The following DNA2 variants were observed in gnomAD, a reference collection of about 807,000 sequenced individuals.
DNA2 encodes DNA replication ATP-dependent helicase/nuclease DNA2.
DNA2 carries 101 observed loss-of-function variants against 119.1 expected under a neutral mutation model. That is an observed-to-expected ratio of 0.85 (90% CI 0.72 to 1.00). DNA2 has a LOEUF of 1.00. DNA2 is among the 50% of genes least tolerant of loss of function. The pLI is 0.00. For missense variants in DNA2, 1,121 were observed against 1,255.5 expected, an observed-to-expected ratio of 0.89 and a Z score of 1.62; for synonymous variants, 366 against 424.4, an observed-to-expected ratio of 0.86 and a Z score of 1.69.
At chr10:68,446,866 G>T (rs1448047264) in intron 6 of DNA2, among the ~76,000 whole-genome samples, 1 of 152,044 alleles carries the variant, frequency 6.6e-6, no homozygotes, top group Non-Finnish European at 1.5e-5. Flanking sequence ...TGGTGCGGGG[G>T]GAGAAGTGGG....
chr10:68,425,085 TTTC>T (rs1467418572), intron 14 of DNA2: 290 of 246,628 alleles, frequency 1.2e-3, no homozygotes, highest in African/African-American at 5.5e-3. Flanking sequence ...CTCTGGAACA[TTTC>T]TTTTTTTTTT....
chr10:68,424,595 C>T, intron 14 of DNA2: 1 of 1,287,948 alleles, frequency 7.8e-7, no homozygotes. Flanking sequence ...TGGACCGCAG[C>T]AAAAACCGCA....
In DNA2 at chr10:68,431,926, G is replaced by A. The variant is rs1590054876; in HGVS notation, c.1919C>T (p.Ser640Leu). 1.2e-6 allele frequency: 2 copies of A among 1,613,752 alleles called. No individual in the cohort carries two copies. The highest frequency in any genetic ancestry group is 1.7e-6 in the Non-Finnish European group (2 of 1,179,798). ...QRQAMKKVLL[S>L]KDYTLIVGMP... is the part of the protein sequence containing the mutation. ...ACCCACGATGAGTGTGTAGTCTTTT[G>A]AAAGAAGTACCTTTTTCATCGCTTG... is the stretch of plus-strand genomic sequence containing the variant. The change falls in exon 13 of 21, where the codon TCA (serine) becomes TTA (leucine). Residue 640 changes from serine (S) to leucine (L), a missense_variant. Ser to Leu is a moderately radical substitution (Grantham distance 145, BLOSUM62 -2). Transcript: ENST00000358410.
chr10:68,464,438 C>T (rs2052300296), intron 4 of DNA2, among the ~76,000 whole-genome samples: 1 of 151,640 alleles, frequency 6.6e-6, no homozygotes, highest in African/African-American at 2.4e-5. Context: ...TTGCTTGAAC[C>T]CGGGAGGTAG....
chr10:68,436,845 T>A, intron 10 of DNA2, 166 bp downstream of exon 10: 1 of 577,840 alleles, frequency 1.7e-6, no homozygotes, highest in Non-Finnish European at 3.0e-6. Context: ...TCCTTGGGAG[T>A]TTCTTTTTGG....
intron 6 of DNA2, among the ~76,000 whole-genome samples, chr10:68,449,332 G>A (rs1327953531): frequency 6.6e-6 from 1 of 152,052 alleles, no homozygotes; most frequent in Non-Finnish European, 1.5e-5. Context: ...TATTATTAAA[G>A]TAAAAAGTTC....
chr10:68,417,953 T>C lies in DNA2; in HGVS notation c.2967+1081A>G, dbSNP rs961970890. The stretch of plus-strand genomic sequence containing the variant: ...TACTTATATGAGGTACTTAGATTAG[T>C]CAAATTCAGAGATAGAATGTAGAAT... On this transcript the variant is annotated intron_variant, in intron 19 of 20. Transcript: ENST00000358410. Among the ~76,000 whole-genome samples, 11 of 152,312 alleles carry C rather than the reference T, an allele frequency of 7.2e-5. No homozygotes were observed. In the East Asian group the frequency reaches 7.7e-4, roughly 11 times the overall value.
intron 5 of DNA2, 111 bp from the exon 6 acceptor site, chr10:68,450,358 T>A: frequency 1.3e-6 from 1 of 796,316 alleles, no homozygotes; most frequent in Non-Finnish European, 2.0e-6. Context: ...GGAAAGAGTC[T>A]ACCTACCTTT....
intron 18 of DNA2, 91 bp from the exon 19 acceptor site, chr10:68,419,304 C>T (rs970673154): frequency 7.0e-6 from 7 of 997,614 alleles, no homozygotes; most frequent in Non-Finnish European, 8.2e-6. Context: ...CATTATGTGC[C>T]CAACTGATGT....
intron 4 of DNA2, among the ~76,000 whole-genome samples, chr10:68,462,912 T>A (rs1765840136): frequency 6.7e-6 from 1 of 150,182 alleles, no homozygotes; most frequent in African/African-American, 2.5e-5. Flanking sequence ...GTGGATCACC[T>A]GAGGTCAGGA....
intron 7 of DNA2, among the ~76,000 whole-genome samples, chr10:68,446,095 G>T (rs903582158): frequency 2.6e-5 from 4 of 152,146 alleles, no homozygotes; most frequent in African/African-American, 9.7e-5. Context: ...CTTCACTCCA[G>T]CCTGGGCAAC....
At position 68,456,961 on chromosome 10, in the gene DNA2, C is replaced by T. The variant is rs764535314; in HGVS notation, c.719+2143G>A. On this transcript the variant is annotated intron_variant, in intron 5 of 20. Coordinates refer to ENST00000358410, the MANE Select transcript of DNA2 (RefSeq NM_001080449.3). ...CATCCTGGCTAACACGGTGAAACCC[C>T]GGCTCTACTAAAAATACAAAAAATT... 3.3e-5 allele frequency among the ~76,000 whole-genome samples: 5 copies of T among 151,592 alleles called. No homozygotes were observed. In the East Asian group the frequency reaches 5.9e-4, roughly 18 times the overall value.
At chr10:68,471,747 A>C in intron 1 of DNA2, 44 bp downstream of exon 1, 2 of 1,527,700 alleles carry the variant, frequency 1.3e-6, no homozygotes, top group Non-Finnish European at 1.8e-6. Flanking sequence ...TCCTTCTTTC[A>C]AATCTCCCGC....
At chr10:68,465,472 T>C (rs999885163) in intron 4 of DNA2, among the ~76,000 whole-genome samples, 195 bp downstream of exon 4, 2 of 152,194 alleles carry the variant, frequency 1.3e-5, no homozygotes, top group African/African-American at 4.8e-5. Flanking sequence ...AATATTTAGG[T>C]ATTTTTACCC....
chr10:68,438,737 T>A (rs1480207877), intron 9 of DNA2, among the ~76,000 whole-genome samples: 1 of 152,060 alleles, frequency 6.6e-6, no homozygotes, highest in Non-Finnish European at 1.5e-5. Flanking sequence ...AGTCATGTTA[T>A]TAATATTCAT....
chr10:68,434,932 A>C (rs1317164973), intron 10 of DNA2, among the ~76,000 whole-genome samples: 1 of 152,250 alleles, frequency 6.6e-6, no homozygotes, highest in Non-Finnish European at 1.5e-5. Flanking sequence ...CTATCCATTA[A>C]GAAATGGTCG....
At chr10:68,452,242 C>A (rs1490379051) in intron 5 of DNA2, among the ~76,000 whole-genome samples, 2 of 151,572 alleles carry the variant, frequency 1.3e-5, no homozygotes, top group Admixed American at 1.3e-4. Flanking sequence ...ACCACCACAC[C>A]CCACTAATTA....
At chr10:68,425,691 G>A (rs910567895) in intron 14 of DNA2, among the ~76,000 whole-genome samples, 4 of 151,574 alleles carry the variant, frequency 2.6e-5, no homozygotes, top group Non-Finnish European at 4.4e-5. Flanking sequence ...GTGAGACACC[G>A]CGCCCGGCCA....
intron 3 of DNA2, among the ~76,000 whole-genome samples, chr10:68,467,012 C>T (rs2052334666): frequency 6.6e-6 from 1 of 152,162 alleles, no homozygotes; most frequent in South Asian, 2.1e-4. Flanking sequence ...CTGGGTGACA[C>T]AGTGAGACTC....
Sources: gnomAD v4.1 joint callset for allele counts (sites outside exome capture counted in the v4.1 genomes callset) on GRCh38, gnomAD v4.1.1 for gene constraint, MANE v1.5 for transcripts, NCBI Gene and HGNC (gene_info 2026-07-23, HGNC 2026-07-21) for gene names.